CANX: variants seen among roughly 807,000 people sequenced by gnomAD.
CANX encodes the protein calnexin, also known as epididymis secretory sperm binding protein.
Under a neutral mutation model 75.7 loss-of-function variants are expected in CANX, and 14 were observed. That is an observed-to-expected ratio of 0.19 (90% CI 0.12 to 0.29). The LOEUF is 0.29. CANX is among the 10% of genes least tolerant of loss of function. The pLI is 1.00. For missense variants in CANX, 567 were observed against 713.2 expected, an observed-to-expected ratio of 0.79 and a Z score of 2.34; for synonymous variants, 227 against 236.9, an observed-to-expected ratio of 0.96 and a Z score of 0.38.
At chr5:179,694,776 G>T, upstream of CANX, 11 of 476,612 alleles carry the variant, frequency 2.3e-5, no homozygotes, top group South Asian at 2.3e-5. Flanking sequence ...TAAACAAAGT[G>T]TTTATCTGTC....
At chr5:179,698,496 T>C, upstream of CANX, 1 of 1,289,384 alleles carries the variant, frequency 7.8e-7, no homozygotes, top group Non-Finnish European at 1.0e-6. Context: ...CAACGGGCCC[T>C]TCCTGATGGC....
chr5:179,685,767 C>T (rs1303774148), intron 1 of CANX, among the ~76,000 whole-genome samples: 1 of 151,844 alleles, frequency 6.6e-6, no homozygotes, highest in Non-Finnish European at 1.5e-5. Context: ...GTTGGCAAGG[C>T]TGGTCTCAAA....
At chr5:179,711,131 A>G (rs1399060354) in intron 7 of CANX, among the ~76,000 whole-genome samples, 1 of 152,176 alleles carries the variant, frequency 6.6e-6, no homozygotes, top group Non-Finnish European at 1.5e-5. Context: ...CAGCATTAAA[A>G]GAAGCTTCTT....
chr5:179,706,790 C>T (rs2113141817), intron 3 of CANX, among the ~76,000 whole-genome samples: 1 of 152,286 alleles, frequency 6.6e-6, no homozygotes, highest in South Asian at 2.1e-4. Context: ...TCAGTGTTAA[C>T]ATCCATGCAG....
At chr5:179,723,481 A>G in intron 11 of CANX, 179 bp from the exon 12 acceptor site, 1 of 582,012 alleles carries the variant, frequency 1.7e-6, no homozygotes, top group Non-Finnish European at 2.9e-6. Flanking sequence ...CATCTTGATT[A>G]TAAGGAGAGC....
chr5:179,701,324 G>A (rs1347120092), intron 1 of CANX, among the ~76,000 whole-genome samples: 1 of 152,074 alleles, frequency 6.6e-6, no homozygotes, highest in African/African-American at 2.4e-5. Context: ...TGGGCACGGT[G>A]GCTCTCACGC....
chr5:179,695,859 C>T (rs958845136), upstream of CANX, among the ~76,000 whole-genome samples: 5 of 149,138 alleles, frequency 3.4e-5, no homozygotes, highest in Admixed American at 6.8e-5. Flanking sequence ...ACCGTGGTCT[C>T]GATCTCCTGA....
At chr5:179,682,865 C>G (rs1444094426) in intron 1 of CANX, among the ~76,000 whole-genome samples, 1 of 152,018 alleles carries the variant, frequency 6.6e-6, no homozygotes, top group South Asian at 2.1e-4. Context: ...AAAACCTGAA[C>G]AATAAGGAGA....
chr5:179,690,752 G>C (rs188205783), intron 1 of CANX, among the ~76,000 whole-genome samples: 1 of 151,208 alleles, frequency 6.6e-6, no homozygotes, highest in Non-Finnish European at 1.5e-5. Flanking sequence ...AGCCGGGCGC[G>C]GTGGCATGCG....
intron 1 of CANX, chr5:179,681,011 T>C (rs1581810562): frequency 8.8e-7 from 1 of 1,141,308 alleles, no homozygotes; most frequent in East Asian, 2.6e-5. Context: ...TGGGGTGGAG[T>C]TGCTGAGCTG....
intron 1 of CANX, chr5:179,700,089 TACAC>T (rs1330810237): frequency 2.0e-5 from 3 of 152,280 alleles, no homozygotes; most frequent in African/African-American, 7.2e-5. Flanking sequence ...TTTGGACCAA[TACAC>T]TGCCATCCTA....
intron 7 of CANX, chr5:179,715,836 TA>T: frequency 2.2e-6 from 1 of 463,330 alleles, no homozygotes; most frequent in Non-Finnish European, 3.9e-6. Flanking sequence ...TTTTTTTTTT[TA>T]GTGTCTATAA....
At chr5:179,711,264 T>A (rs765865932) in intron 7 of CANX, among the ~76,000 whole-genome samples, 2 of 136,012 alleles carry the variant, frequency 1.5e-5, no homozygotes, top group African/African-American at 5.3e-5. Flanking sequence ...CTCTACAAAA[T>A]CTTAAGAATT....
At chr5:179,698,650 G>A (rs1471385626), upstream of CANX, 2 of 1,202,062 alleles carry the variant, frequency 1.7e-6, no homozygotes, top group South Asian at 1.3e-5. Flanking sequence ...AGGCACCACA[G>A]CAACCGACGC....
intron 8 of CANX, among the ~76,000 whole-genome samples, chr5:179,719,257 G>A (rs894492998): frequency 3.3e-5 from 5 of 152,106 alleles, no homozygotes; most frequent in African/African-American, 1.2e-4. Flanking sequence ...GTTTCTCTGC[G>A]TTCTTTCCAG....
At chr5:179,727,429 A>G (rs1250690900) in intron 14 of CANX, among the ~76,000 whole-genome samples, 2 of 152,232 alleles carry the variant, frequency 1.3e-5, no homozygotes, top group Non-Finnish European at 2.9e-5. Flanking sequence ...CACTTGAAAG[A>G]GGTAGAGAAC....
At position 179,728,980 on chromosome 5, in the gene CANX, T is replaced by C; in HGVS notation, c.*336T>C. 1 of 356,508 alleles carries C rather than the reference T, an allele frequency of 2.8e-6. No homozygotes were observed. The highest frequency in any genetic ancestry group is 2.3e-5 in the South Asian group (1 of 43,362). 22.1% of individuals were successfully genotyped at this position (356,508 alleles called of 1,614,324 possible). A position where few individuals can be genotyped will look rare whatever the true frequency, so the allele number is the denominator to read the frequency against. ...GCCAGTCTTTAAGATCTTGGCTTAA[T>C]TTAATGTATTAATCTGTTTGTGCAA... On this transcript the variant is annotated 3_prime_UTR_variant, in exon 15 of 15. Coordinates refer to ENST00000247461, the MANE Select transcript of CANX (RefSeq NM_001746.4).
At chr5:179,681,346 CAG>C (rs1381025152) in intron 1 of CANX, among the ~76,000 whole-genome samples, 4 of 152,190 alleles carry the variant, frequency 2.6e-5, no homozygotes, top group Non-Finnish European at 5.9e-5. Context: ...AGGAAGCTAA[CAG>C]AGCGTGTCAT....
intron 7 of CANX, among the ~76,000 whole-genome samples, chr5:179,713,733 C>T (rs535400387): frequency 2.0e-4 from 29 of 147,696 alleles, no homozygotes; most frequent in African/African-American, 6.6e-4. Flanking sequence ...GCCCGGGCAG[C>T]ATAGTGAGAC....
Sources: gnomAD v4.1 joint callset for allele counts (sites outside exome capture counted in the v4.1 genomes callset) on GRCh38, gnomAD v4.1.1 for gene constraint, MANE v1.5 for transcripts, NCBI Gene and HGNC (gene_info 2026-07-23, HGNC 2026-07-21) for gene names.